ATP9B: variants seen among roughly 807,000 people sequenced by gnomAD.
ATP9B encodes the protein ATPase phospholipid transporting 9B, also known as probable phospholipid-transporting ATPase IIB.
Under a neutral mutation model 146.1 loss-of-function variants are expected in ATP9B, and 110 were observed. That is an observed-to-expected ratio of 0.75 (90% CI 0.65 to 0.88). The LOEUF (loss-of-function observed/expected upper bound fraction) is 0.88. ATP9B is among the 40% of genes least tolerant of loss of function. ATP9B has a pLI of 0.00. For synonymous variants in ATP9B, 604 were observed against 569.7 expected, an observed-to-expected ratio of 1.06 and a Z score of -0.86; for missense variants, 1,499 against 1,496.4, an observed-to-expected ratio of 1.00 and a Z score of -0.03.
intron 11 of ATP9B, among the ~76,000 whole-genome samples, chr18:79,216,938 C>A (rs1184415431): frequency 6.6e-6 from 1 of 152,194 alleles, no homozygotes; most frequent in African/African-American, 2.4e-5. Context: ...AATAGGGATT[C>A]ACGATAGCGG....
intron 15 of ATP9B, among the ~76,000 whole-genome samples, chr18:79,327,452 C>A (rs558776253): frequency 9.2e-5 from 14 of 151,958 alleles, no homozygotes; most frequent in African/African-American, 3.4e-4. Context: ...TTAGTGTGCT[C>A]CCCATGGTTA....
chr18:79,308,258 C>T (rs1292395637), intron 15 of ATP9B, among the ~76,000 whole-genome samples: 1 of 152,044 alleles, frequency 6.6e-6, no homozygotes, highest in African/African-American at 2.4e-5. Context: ...TGCAGCCACT[C>T]TAGAGAACAG....
intron 18 of ATP9B, 32 bp from the exon 19 acceptor site, chr18:79,337,247 G>A: frequency 6.2e-7 from 1 of 1,612,992 alleles, no homozygotes; most frequent in Non-Finnish European, 8.5e-7. Flanking sequence ...ACGTACACGT[G>A]TGCACACAGG....
rs1004337611 is a variant in ATP9B, at chr18:79,335,638, C to T, written c.2029-990C>T. On this transcript the variant is annotated intron_variant, in intron 17 of 29. Coordinates refer to ENST00000426216, the MANE Select transcript of ATP9B (RefSeq NM_198531.5). ...AGGCTTGTGAGCTTTGGGATCTGGC[C>T]GTGTCCCCACCAACCCCAGCTCTCA... Among the ~76,000 whole-genome samples, 7 of 152,264 alleles carry T rather than the reference C, an allele frequency of 4.6e-5. No individual in the cohort carries two copies. The East Asian group carries it at 5.8e-4, about 13-fold the overall frequency.
chr18:79,240,582 C>A (rs993051918), intron 11 of ATP9B, among the ~76,000 whole-genome samples: 3 of 152,116 alleles, frequency 2.0e-5, no homozygotes, highest in Non-Finnish European at 4.4e-5. Flanking sequence ...CCCGTCTCTA[C>A]TAAAAATACA....
Position 79,160,255 on chromosome 18 carries a change from G to C in ATP9B, c.778+5700G>C, listed in dbSNP as rs1018136932. ...ACTCTTAGCTAGGTTTAGTGTTTTT[G>C]TTGAATAAATGCTCCTGGAATTCTT... On this transcript the variant is annotated intron_variant, in intron 7 of 29. Coordinates refer to ENST00000426216, the MANE Select transcript of ATP9B (RefSeq NM_198531.5). Among the ~76,000 whole-genome samples the C allele has an allele frequency of 3.9e-5, 6 of 152,178 alleles. 1 individual carries two copies. Among genetic ancestry groups the C allele is most frequent in the Admixed American group, 3.9e-4 (6 of 15,280 alleles).
intron 25 of ATP9B, among the ~76,000 whole-genome samples, chr18:79,350,161 C>T (rs28648076): frequency 0.2 from 30,456 of 152,156 alleles, 3,258 homozygotes; most frequent in African/African-American, 0.28. Context: ...GCACCTGCTT[C>T]GGACTCCACG....
At chr18:79,300,593 G>T (rs537330122) in intron 13 of ATP9B, among the ~76,000 whole-genome samples, 3 of 152,300 alleles carry the variant, frequency 2.0e-5, no homozygotes, top group African/African-American at 7.2e-5. Flanking sequence ...TTGAGCCCGG[G>T]GCTGCGGGGC....
intron 6 of ATP9B, among the ~76,000 whole-genome samples, chr18:79,148,473 G>A (rs749237154): frequency 4.0e-4 from 61 of 152,266 alleles, no homozygotes; most frequent in South Asian, 1.9e-3. Flanking sequence ...TGTAATCTAC[G>A]CTATCAACAG....
intron 15 of ATP9B, among the ~76,000 whole-genome samples, chr18:79,327,693 TG>T (rs1200341321): frequency 3.5e-5 from 5 of 142,442 alleles, no homozygotes; most frequent in Non-Finnish European, 3.0e-5. Context: ...GTGCTCTCCG[TG>T]GTTAGTGTGC....
intron 14 of ATP9B, among the ~76,000 whole-genome samples, chr18:79,305,089 G>A (rs2096613398): frequency 6.6e-6 from 1 of 152,226 alleles, no homozygotes; most frequent in Non-Finnish European, 1.5e-5. Context: ...TCCCAGCGCT[G>A]CATGGCACTG....
At chr18:79,320,804 TG>T (rs2096711477) in intron 15 of ATP9B, among the ~76,000 whole-genome samples, 1 of 99,948 alleles carries the variant, frequency 1.0e-5, no homozygotes, top group South Asian at 5.3e-4. Context: ...TCCGGGATGC[TG>T]TGGGTTTTAC....
intron 1 of ATP9B, chr18:79,087,791 T>G (rs946169060): frequency 6.6e-6 from 1 of 152,228 alleles, no homozygotes; most frequent in Non-Finnish European, 1.5e-5. Flanking sequence ...TTTTGAAACC[T>G]TTGGCTGCAG....
At chr18:79,196,985 A>G (rs1013527440) in intron 9 of ATP9B, among the ~76,000 whole-genome samples, 1 of 152,222 alleles carries the variant, frequency 6.6e-6, no homozygotes, top group Non-Finnish European at 1.5e-5. Context: ...ATGAGCAGTA[A>G]AATATATCAT....
At chr18:79,146,651 A>G (rs1006080944) in intron 6 of ATP9B, 21 of 263,724 alleles carry the variant, frequency 8.0e-5, no homozygotes, top group South Asian at 6.6e-4. Flanking sequence ...TCCATGCTGC[A>G]TATCGGGGGA....
At chr18:79,306,183 G>A (rs2096619407) in intron 14 of ATP9B, among the ~76,000 whole-genome samples, 1 of 152,218 alleles carries the variant, frequency 6.6e-6, no homozygotes, top group Non-Finnish European at 1.5e-5. Flanking sequence ...TGAGAGCCTT[G>A]GTTTCCAAGG....
At chr18:79,322,034 T>G (rs2096719009) in intron 15 of ATP9B, among the ~76,000 whole-genome samples, 1 of 152,206 alleles carries the variant, frequency 6.6e-6, no homozygotes, top group Non-Finnish European at 1.5e-5. Flanking sequence ...CACTTCCCAC[T>G]GGAGATGGTG....
Position 79,303,761 on chromosome 18 carries a change from C to T in ATP9B, c.1524+45C>T, listed in dbSNP as rs769238089. ...ACGGGGTCTGCTTCCACACACATCC[C>T]GCGCCATGAGTCCAGCTGAGCCTCG... On this transcript the variant is annotated intron_variant, in intron 14 of 29. Transcript: ENST00000426216. The T allele has an allele frequency of 6.9e-5, 99 of 1,438,740 alleles. 1 individual carries two copies. Among genetic ancestry groups the T allele is most frequent in the Non-Finnish European group, 8.4e-5 (86 of 1,027,408 alleles). 89.1% of individuals were successfully genotyped at this position (1,438,740 alleles called of 1,614,324 possible). A position where few individuals can be genotyped will look rare whatever the true frequency, so the allele number is the denominator to read the frequency against.
intron 4 of ATP9B, among the ~76,000 whole-genome samples, chr18:79,123,148 G>T (rs747751967): frequency 1.1e-4 from 16 of 151,860 alleles, no homozygotes; most frequent in African/African-American, 3.9e-4. Context: ...GTCACAGATG[G>T]CATGATCTTG....
Sources: gnomAD v4.1 joint callset for allele counts (sites outside exome capture counted in the v4.1 genomes callset) on GRCh38, gnomAD v4.1.1 for gene constraint, MANE v1.5 for transcripts, NCBI Gene and HGNC (gene_info 2026-07-23, HGNC 2026-07-21) for gene names.